MPDZ: variants seen among roughly 807,000 people sequenced by gnomAD.
The protein encoded by MPDZ is multiple PDZ domain crumbs cell polarity complex component.
In MPDZ, 234 loss-of-function variants were observed where a neutral mutation model predicts 239.1. The observed-to-expected ratio is 0.98, with a 90% CI of 0.88 to 1.09. MPDZ has a LOEUF of 1.09. Ranked by LOEUF, MPDZ falls within the 50% of genes least tolerant of loss-of-function variation. The pLI, the probability that MPDZ is intolerant of heterozygous loss-of-function variation, is 0.00. For missense variants in MPDZ, 3,175 were observed against 2,510.0 expected (o/e 1.26, Z -5.66); for synonymous variants, 1,048 against 881.3 (o/e 1.19, Z -3.35).
Position 13,168,580 on chromosome 9 carries a change from A to C in MPDZ, c.3056-16T>G. 12 of 1,501,552 alleles carry C rather than the reference A, an allele frequency of 8.0e-6. No individual in the cohort carries two copies. The highest frequency in any genetic ancestry group is 1.4e-5 in the African/African-American group (1 of 69,816). 93.0% of individuals were successfully genotyped at this position (1,501,552 alleles called of 1,614,324 possible). A position where few individuals can be genotyped will look rare whatever the true frequency, so the allele number is the denominator to read the frequency against. ...ACTGTCATTCCTACAGGAAAAGAGA[A>C]ATGCAAATATAATTAAATACATGAT... On this transcript the variant is annotated splice_polypyrimidine_tract_variant and intron_variant, in intron 21 of 46. Coordinates refer to ENST00000319217, the MANE Select transcript of MPDZ (RefSeq NM_001378778.1).
At chr9:13,244,585 G>C (rs1966165628) in intron 3 of MPDZ, among the ~76,000 whole-genome samples, 1 of 152,156 alleles carries the variant, frequency 6.6e-6, no homozygotes, top group African/African-American at 2.4e-5. Flanking sequence ...TATATTCTCA[G>C]ACCTGCTAAT....
chr9:13,261,600 A>G (rs1970704625), intron 1 of MPDZ, among the ~76,000 whole-genome samples: 2 of 152,184 alleles, frequency 1.3e-5, no homozygotes, highest in Non-Finnish European at 2.9e-5. Flanking sequence ...TACAGGAGAG[A>G]TAGTTACATC....
rs760192031 is a variant in MPDZ at position 13,112,998 on chromosome 9, C to T, written c.5601+13G>A. 2 of 1,578,950 alleles carry T rather than the reference C, an allele frequency of 1.3e-6. No individual in the cohort carries two copies. The highest frequency in any genetic ancestry group is 2.3e-5 in the South Asian group (2 of 86,622). On this transcript the variant is annotated intron_variant, in intron 42 of 46. Coordinates refer to ENST00000319217, the MANE Select transcript of MPDZ (RefSeq NM_001378778.1). The stretch of plus-strand genomic sequence containing the variant: ...AACGCCAGGGTTTATATTGTTTTCT[C>T]TCCCCAAGTTACCTTTTTCATTTCG...
chr9:13,232,050 A>G (rs1479231485), intron 3 of MPDZ, among the ~76,000 whole-genome samples: 12 of 152,200 alleles, frequency 7.9e-5, no homozygotes, highest in African/African-American at 2.7e-4. Context: ...TACCACTTCT[A>G]TTCAATATTA....
chr9:13,201,904 C>G (rs1956431175), intron 12 of MPDZ, among the ~76,000 whole-genome samples: 1 of 152,026 alleles, frequency 6.6e-6, no homozygotes. Context: ...TTCCCTGAAC[C>G]TCTTTAACAG....
intron 10 of MPDZ, among the ~76,000 whole-genome samples, chr9:13,213,080 C>T (rs1587840422): frequency 6.6e-6 from 1 of 152,054 alleles, no homozygotes; most frequent in Non-Finnish European, 1.5e-5. Context: ...ATCATAATTT[C>T]CTACTGCTTT....
chr9:13,106,261 G>C lies in MPDZ; in HGVS notation c.*704C>G, dbSNP rs1055830934. The C allele has an allele frequency of 6.6e-6, 1 of 151,804 alleles. No homozygotes were observed. Among genetic ancestry groups the C allele is most frequent in the Non-Finnish European group, 1.5e-5 (1 of 67,954 alleles). The allele number at this position is 151,804 out of a possible 1,614,324, so 9.4% of individuals were successfully genotyped here. On this transcript the variant is annotated 3_prime_UTR_variant, in exon 47 of 47. Coordinates refer to ENST00000319217, the MANE Select transcript of MPDZ (RefSeq NM_001378778.1). ...AGCAACATGAAAATATTTTACAAAA[G>C]GTCAAAAATAAGAATGAAAATTGAA...
chr9:13,271,128 A>G (rs1238831779), intron 1 of MPDZ, among the ~76,000 whole-genome samples: 10 of 152,214 alleles, frequency 6.6e-5, no homozygotes, highest in Non-Finnish European at 1.3e-4. Context: ...TCAAAATTAA[A>G]TATTTTTAAA....
intron 19 of MPDZ, among the ~76,000 whole-genome samples, chr9:13,180,855 G>C (rs1352911836): frequency 4.0e-5 from 6 of 151,840 alleles, no homozygotes; most frequent in Admixed American, 3.9e-4. Context: ...ATCAAATTAA[G>C]CAAATACATA....
chr9:13,189,866 G>GA (rs140725057), intron 16 of MPDZ, among the ~76,000 whole-genome samples: 1 of 151,680 alleles, frequency 6.6e-6, no homozygotes, highest in Non-Finnish European at 1.5e-5. Context: ...CCCAAATAAC[G>GA]AAAAAACACC....
chr9:13,207,382 C>T (rs1957123118), intron 10 of MPDZ, among the ~76,000 whole-genome samples: 3 of 152,138 alleles, frequency 2.0e-5, no homozygotes, highest in Admixed American at 2.0e-4. Flanking sequence ...GCCCCAACCT[C>T]ATCTCTCATG....
intron 42 of MPDZ, 131 bp downstream of exon 42, chr9:13,112,880 A>G (rs979064571): frequency 3.1e-5 from 27 of 879,000 alleles, no homozygotes; most frequent in Non-Finnish European, 4.2e-5. Flanking sequence ...ATGTTATTTC[A>G]CATGTAATAT....
intron 22 of MPDZ, among the ~76,000 whole-genome samples, chr9:13,164,223 G>C (rs1037970740): frequency 2.0e-5 from 3 of 152,252 alleles, no homozygotes; most frequent in Admixed American, 6.5e-5. Flanking sequence ...TTTAAGACTA[G>C]GCTAGCTGAA....
chr9:13,265,738 T>C (rs1471866342), intron 1 of MPDZ, among the ~76,000 whole-genome samples: 3 of 152,188 alleles, frequency 2.0e-5, no homozygotes, highest in Non-Finnish European at 4.4e-5. Context: ...AGGATTTTCA[T>C]TGACTTTGTG....
intron 6 of MPDZ, 44 bp from the exon 7 acceptor site, chr9:13,221,544 C>T (rs1959094211): frequency 6.3e-6 from 10 of 1,586,498 alleles, no homozygotes; most frequent in Non-Finnish European, 8.6e-6. Context: ...ATTTACAAAG[C>T]ACTACCATTT....
At chr9:13,185,846 C>T (rs1954020036) in intron 18 of MPDZ, among the ~76,000 whole-genome samples, 1 of 151,944 alleles carries the variant, frequency 6.6e-6, no homozygotes, top group South Asian at 2.1e-4. Flanking sequence ...AATAACTGAA[C>T]CAATTTATAT....
At chr9:13,129,133 T>C (rs1402102423) in intron 32 of MPDZ, among the ~76,000 whole-genome samples, 1 of 152,106 alleles carries the variant, frequency 6.6e-6, no homozygotes, top group Non-Finnish European at 1.5e-5. Context: ...CAAAAACAAC[T>C]ATATACACAT....
intron 23 of MPDZ, among the ~76,000 whole-genome samples, chr9:13,160,283 C>T (rs1950307428): frequency 6.6e-6 from 1 of 152,102 alleles, no homozygotes; most frequent in Non-Finnish European, 1.5e-5. Context: ...GTTACTTAAC[C>T]TTTCTCTTGC....
At position 13,206,104 on chromosome 9, in the gene MPDZ, G is replaced by GA; in HGVS notation, c.1291-6dup. 6.5e-7 allele frequency: 1 copy of GA among 1,528,154 alleles called. No individual in the cohort carries two copies. Among genetic ancestry groups the GA allele is most frequent in the Admixed American group, 2.3e-5 (1 of 43,554 alleles). The allele number at this position is 1,528,154 out of a possible 1,614,324, so 94.7% of individuals were successfully genotyped here. On this transcript the variant is annotated splice_polypyrimidine_tract_variant and splice_region_variant and intron_variant, in intron 10 of 46. Coordinates refer to ENST00000319217, the MANE Select transcript of MPDZ (RefSeq NM_001378778.1). ...CTGAAGGTTTGTGCCATCTACCTGT[G>GA]ATTAAAAAAAAAAAAAAGCATGTTA...
Sources: gnomAD v4.1 joint callset for allele counts (sites outside exome capture counted in the v4.1 genomes callset) on GRCh38, gnomAD v4.1.1 for gene constraint, MANE v1.5 for transcripts, NCBI Gene and HGNC (gene_info 2026-07-23, HGNC 2026-07-21) for gene names.